PRM3: variants seen among roughly 807,000 people sequenced by gnomAD.
PRM3 encodes the protein protamine 3.
For synonymous variants in PRM3, 72 were observed against 58.2 expected, an observed-to-expected ratio of 1.24 and a Z score of -1.08; for missense variants, 160 against 133.1, an observed-to-expected ratio of 1.20 and a Z score of -0.99.
rs1567462466 is a variant in PRM3, at chr16:11,273,498, T to A, written c.98A>T (p.Lys33Ile). The change falls in exon 1 of 1, where the codon AAA becomes ATA. Residue 33 changes from lysine (K) to isoleucine (I), a missense_variant. Lys to Ile is a moderately radical substitution (Grantham distance 102). Coordinates refer to ENST00000327157, the MANE Select transcript of PRM3 (RefSeq NM_021247.3). ...GHGRGHESSM[K>I]KLMACVSQDN... is the part of the protein sequence containing the mutation. ...CTGACTCACACAGGCCATGAGCTTTTTCATGGAGGATTCGTGGCCCCGGCC... is the reference window on the plus strand; with the variant it reads ...CTGACTCACACAGGCCATGAGCTTTATCATGGAGGATTCGTGGCCCCGGCC... The A allele has an allele frequency of 6.2e-7, 1 of 1,608,168 alleles. No individual in the cohort carries two copies. The highest frequency in any genetic ancestry group is 8.5e-7 in the Non-Finnish European group (1 of 1,176,978).
At position 11,273,548 on chromosome 16, in the gene PRM3, G is replaced by GTGGCCTGGGCTC. The variant is rs757067812; in HGVS notation, c.36_47dup (p.Gln12_Gly15dup). 10 of 1,610,590 alleles carry GTGGCCTGGGCTC rather than the reference G, an allele frequency of 6.2e-6. No homozygotes were observed. Among genetic ancestry groups the GTGGCCTGGGCTC allele is most frequent in the Admixed American group, 1.7e-5 (1 of 59,988 alleles). On this transcript the variant is annotated inframe_insertion, in exon 1 of 1. Transcript: ENST00000327157. ...CATGGCCCGTGCTGTGGCCTGGGCT[G>GTGGCCTGGGCTC]TGGCCTGGGCTCTGGCCTGTGTTGA...
rs1567462572 is a variant in PRM3 at position 11,273,581 on chromosome 16, A to G, written c.15T>C (p.Cys5=). ...GGCTCTGGCCTGTGTTGAGCTTGGC[A>G]CAGCGGGAACCCATGGTCTACGTTG... The part of the protein sequence containing the change: MGSR[C]AKLNTGQSPG... The change falls in exon 1 of 1, where the codon TGT becomes TGC. Residue 5 remains cysteine, a synonymous_variant. Coordinates refer to ENST00000327157, the MANE Select transcript of PRM3 (RefSeq NM_021247.3). 2 of 1,594,880 alleles carry G rather than the reference A, an allele frequency of 1.3e-6. No homozygotes were observed. The highest frequency in any genetic ancestry group is 8.6e-7 in the Non-Finnish European group (1 of 1,168,268).
Position 11,273,596 on chromosome 16 carries a change from G to C in PRM3, c.-1C>G. On this transcript the variant is annotated 5_prime_UTR_variant, in exon 1 of 1. Transcript: ENST00000327157. ...TGAGCTTGGCACAGCGGGAACCCATGGTCTACGTTGCCTGTCTCTCTGGGC... is the reference window on the plus strand; with the variant it reads ...TGAGCTTGGCACAGCGGGAACCCATCGTCTACGTTGCCTGTCTCTCTGGGC... 1.3e-6 allele frequency: 2 copies of C among 1,584,788 alleles called. No homozygotes were observed. Among genetic ancestry groups the C allele is most frequent in the Non-Finnish European group, 1.7e-6 (2 of 1,162,748 alleles).
rs1281156609 is a variant in PRM3 at position 11,273,249 on chromosome 16, G to A, written c.*35C>T. The A allele has an allele frequency of 6.0e-6, 9 of 1,503,130 alleles. No homozygotes were observed. The highest frequency in any genetic ancestry group is 3.8e-5 in the South Asian group (3 of 78,022). The allele number at this position is 1,503,130 out of a possible 1,614,324, so 93.1% of individuals were successfully genotyped here. A position where few individuals can be genotyped will look rare whatever the true frequency, so the allele number is the denominator to read the frequency against. Reference sequence around the variant, plus strand: ...TTCTCTGAACACTGTCGCCGGAGCAGCAGTGGGCGTCCCTTCCTGGGCCTT... The same window carrying A: ...TTCTCTGAACACTGTCGCCGGAGCAACAGTGGGCGTCCCTTCCTGGGCCTT... On this transcript the variant is annotated 3_prime_UTR_variant, in exon 1 of 1. Coordinates refer to ENST00000327157, the MANE Select transcript of PRM3 (RefSeq NM_021247.3).
At position 11,273,409 on chromosome 16, in the gene PRM3, C is replaced by G. The variant is rs1438888157; in HGVS notation, c.187G>C (p.Glu63Gln). The change falls in exon 1 of 1, where the codon GAG becomes CAG. Residue 63 changes from glutamate (E) to glutamine (Q), a missense_variant. Transcript: ENST00000327157. ...TGCACCGGCAGCTCTTCTTTCTCCT[C>G]CTCTTCCCCCTCCTCCTCCTCTTCC... Reference protein sequence around the residue: ...EEEEEEEGEEEEKEELPVQGK... With the variant: ...EEEEEEEGEEQEKEELPVQGK... 1.9e-6 allele frequency: 3 copies of G among 1,549,668 alleles called. No individual in the cohort carries two copies. In the African/African-American group the frequency reaches 4.1e-5, roughly 21 times the overall value.
In PRM3 at chr16:11,273,254, G is replaced by A; in HGVS notation, c.*30C>T. On this transcript the variant is annotated 3_prime_UTR_variant, in exon 1 of 1. Transcript: ENST00000327157. ...TGAACACTGTCGCCGGAGCAGCAGT[G>A]GGCGTCCCTTCCTGGGCCTTCGTTG... The A allele has an allele frequency of 6.6e-7, 1 of 1,508,658 alleles. No homozygotes were observed. The highest frequency in any genetic ancestry group is 8.9e-7 in the Non-Finnish European group (1 of 1,127,252). 93.5% of individuals were successfully genotyped at this position (1,508,658 alleles called of 1,614,324 possible).
At position 11,273,237 on chromosome 16, in the gene PRM3, G is replaced by T; in HGVS notation, c.*47C>A. ...TTTTATTGACTCTTCTCTGAACACTGTCGCCGGAGCAGCAGTGGGCGTCCC... is the reference window on the plus strand; with the variant it reads ...TTTTATTGACTCTTCTCTGAACACTTTCGCCGGAGCAGCAGTGGGCGTCCC... On this transcript the variant is annotated 3_prime_UTR_variant, in exon 1 of 1. Transcript: ENST00000327157. 1 of 1,486,256 alleles carries T rather than the reference G, an allele frequency of 6.7e-7. No individual in the cohort carries two copies. Among genetic ancestry groups the T allele is most frequent in the South Asian group, 1.3e-5 (1 of 74,900 alleles). 92.1% of individuals were successfully genotyped at this position (1,486,256 alleles called of 1,614,324 possible).
At position 11,273,390 on chromosome 16, in the gene PRM3, G is replaced by A. The variant is rs201908654; in HGVS notation, c.206C>T (p.Pro69Leu). Residue 69 changes from proline (P) to leucine (L), a missense_variant, in exon 1 of 1, where the codon CCG becomes CTG. Transcript: ENST00000327157. ...CAGCAGCAGCAGCTTGCCCTGCACC[G>A]GCAGCTCTTCTTTCTCCTCCTCTTC... Reference protein sequence around the residue: ...EGEEEEKEELPVQGKLLLLEP... With the variant: ...EGEEEEKEELLVQGKLLLLEP... 4.9e-5 allele frequency: 76 copies of A among 1,546,836 alleles called. No individual in the cohort carries two copies. Among genetic ancestry groups the A allele is most frequent in the Admixed American group, 4.1e-4 (21 of 51,030 alleles).
rs2069806912 is a variant in PRM3, at chr16:11,273,370, G to A, written c.226C>T (p.Leu76=). 3 of 1,545,348 alleles carry A rather than the reference G, an allele frequency of 1.9e-6. No homozygotes were observed. The highest frequency in any genetic ancestry group is 1.7e-6 in the Non-Finnish European group (2 of 1,147,014). Residue 76 remains leucine, a synonymous_variant, in exon 1 of 1, where the codon CTG becomes TTG. Transcript: ENST00000327157. The part of the protein sequence containing the change: ...EELPVQGKLL[L]LEPERQEEGH... ...TCCTCCTGCCGCTCAGGCTCCAGCA[G>A]CAGCAGCTTGCCCTGCACCGGCAGC...
Position 11,273,364 on chromosome 16 carries a change from C to CCAG in PRM3, c.229_231dup (p.Leu77dup). 2 of 1,544,882 alleles carry CCAG rather than the reference C, an allele frequency of 1.3e-6. No individual in the cohort carries two copies. The highest frequency in any genetic ancestry group is 8.7e-7 in the Non-Finnish European group (1 of 1,146,860). On this transcript the variant is annotated inframe_insertion, in exon 1 of 1. Coordinates refer to ENST00000327157, the MANE Select transcript of PRM3 (RefSeq NM_021247.3). ...TGGCCCTCCTCCTGCCGCTCAGGCT[C>CCAG]CAGCAGCAGCAGCTTGCCCTGCACC...
Position 11,273,524 on chromosome 16 carries a change from A to G in PRM3, c.72T>C (p.His24=). 6.2e-7 allele frequency: 1 copy of G among 1,609,760 alleles called. No individual in the cohort carries two copies. The highest frequency in any genetic ancestry group is 8.5e-7 in the Non-Finnish European group (1 of 1,177,560). The part of the protein sequence containing the change: ...PGHSPGHSTG[H]GRGHESSMKK... ...TCATGGAGGATTCGTGGCCCCGGCCATGGCCCGTGCTGTGGCCTGGGCTGT... is the reference window on the plus strand; with the variant it reads ...TCATGGAGGATTCGTGGCCCCGGCCGTGGCCCGTGCTGTGGCCTGGGCTGT... The change falls in exon 1 of 1, where the codon CAT becomes CAC. Residue 24 remains histidine (H), a synonymous_variant. Coordinates refer to ENST00000327157, the MANE Select transcript of PRM3 (RefSeq NM_021247.3).
In PRM3 at chr16:11,273,541, C is replaced by T. The variant is rs1348347928; in HGVS notation, c.55G>A (p.Gly19Ser). Residue 19 changes from glycine to serine, a missense_variant, in exon 1 of 1, where the codon GGC (glycine) becomes AGC (serine). Coordinates refer to ENST00000327157, the MANE Select transcript of PRM3 (RefSeq NM_021247.3). ...CCCCGGCCATGGCCCGTGCTGTGGC[C>T]TGGGCTGTGGCCTGGGCTCTGGCCT... ...NTGQSPGHSP[G>S]HSTGHGRGHE... 6.2e-7 allele frequency: 1 copy of T among 1,607,690 alleles called. No individual in the cohort carries two copies. Among genetic ancestry groups the T allele is most frequent in the South Asian group, 1.1e-5 (1 of 91,034 alleles).
rs1330213959 is a variant in PRM3, at chr16:11,273,287, G to T, written c.309C>A (p.Ser103=). The change falls in exon 1 of 1, where the codon TCC becomes TCA. Residue 103 remains serine (S), a synonymous_variant. Coordinates refer to ENST00000327157, the MANE Select transcript of PRM3 (RefSeq NM_021247.3). ...CTTCCTGGGCCTTCGTTGCGGGTCAGGAGGGTGTCCGCTTGGGCTCGGGGC... is the reference window on the plus strand; with the variant it reads ...CTTCCTGGGCCTTCGTTGCGGGTCATGAGGGTGTCCGCTTGGGCTCGGGGC... The part of the protein sequence containing the change: ...QQSPEPKRTP[S] The T allele has an allele frequency of 6.5e-7, 1 of 1,540,010 alleles. No homozygotes were observed. Among genetic ancestry groups the T allele is most frequent in the Non-Finnish European group, 8.8e-7 (1 of 1,142,732 alleles).
rs1352244557 is a variant in PRM3, at chr16:11,273,251, A to G, written c.*33T>C. 3.3e-6 allele frequency: 5 copies of G among 1,504,726 alleles called. No homozygotes were observed. Among genetic ancestry groups the G allele is most frequent in the Non-Finnish European group, 4.4e-6 (5 of 1,125,704 alleles). The allele number at this position is 1,504,726 out of a possible 1,614,324, so 93.2% of individuals were successfully genotyped here. On this transcript the variant is annotated 3_prime_UTR_variant, in exon 1 of 1. Coordinates refer to ENST00000327157, the MANE Select transcript of PRM3 (RefSeq NM_021247.3). ...CTCTGAACACTGTCGCCGGAGCAGCAGTGGGCGTCCCTTCCTGGGCCTTCG... is the reference window on the plus strand; with the variant it reads ...CTCTGAACACTGTCGCCGGAGCAGCGGTGGGCGTCCCTTCCTGGGCCTTCG...
At position 11,273,318 on chromosome 16, in the gene PRM3, T is replaced by C; in HGVS notation, c.278A>G (p.Gln93Arg). 6.5e-7 allele frequency: 1 copy of C among 1,545,172 alleles called. No homozygotes were observed. The highest frequency in any genetic ancestry group is 8.7e-7 in the Non-Finnish European group (1 of 1,146,552). Residue 93 changes from glutamine (Q) to arginine (R), a missense_variant, in exon 1 of 1, where the codon CAG becomes CGG. Gln to Arg is a conservative substitution (Grantham distance 43). Transcript: ENST00000327157. ...EEGHKDNAEA[Q>R]QSPEPKRTPS ...TGTCCGCTTGGGCTCGGGGCTCTGC[T>C]GGGCCTCGGCGTTGTCCTTGTGGCC...
chr16:11,273,499 T>G lies in PRM3; in HGVS notation c.97A>C (p.Lys33Gln), dbSNP rs2069810493. The part of the protein sequence containing the change: ...GHGRGHESSM[K>Q]KLMACVSQDN... ...TGACTCACACAGGCCATGAGCTTTT[T>G]CATGGAGGATTCGTGGCCCCGGCCA... The change falls in exon 1 of 1, where the codon AAA becomes CAA. Residue 33 changes from lysine (K) to glutamine (Q), a missense_variant. Transcript: ENST00000327157. 1 of 1,609,070 alleles carries G rather than the reference T, an allele frequency of 6.2e-7. No individual in the cohort carries two copies. Among genetic ancestry groups the G allele is most frequent in the African/African-American group, 1.3e-5 (1 of 75,018 alleles).
chr16:11,273,477 C>G lies in PRM3; in HGVS notation c.119G>C (p.Ser40Thr), dbSNP rs1326926205. Residue 40 changes from serine to threonine, a missense_variant, in exon 1 of 1, where the codon AGT becomes ACT. Physicochemically the swap from Ser to Thr is moderately conservative, Grantham distance 58 (BLOSUM62 1). Coordinates refer to ENST00000327157, the MANE Select transcript of PRM3 (RefSeq NM_021247.3). The part of the protein sequence containing the change: ...SSMKKLMACV[S>T]QDNFSLSSAG... ...TGATGACAAGGAGAAGTTATCCTGACTCACACAGGCCATGAGCTTTTTCAT... is the reference window on the plus strand; with the variant it reads ...TGATGACAAGGAGAAGTTATCCTGAGTCACACAGGCCATGAGCTTTTTCAT... 1 of 1,594,910 alleles carries G rather than the reference C, an allele frequency of 6.3e-7. No individual in the cohort carries two copies. Among genetic ancestry groups the G allele is most frequent in the Admixed American group, 1.8e-5 (1 of 56,480 alleles).
In PRM3 at chr16:11,273,473, C is replaced by T. The variant is rs1198693091; in HGVS notation, c.123G>A (p.Gln41=). 2 of 1,591,292 alleles carry T rather than the reference C, an allele frequency of 1.3e-6. No individual in the cohort carries two copies. The highest frequency in any genetic ancestry group is 2.3e-5 in the South Asian group (2 of 88,170). ...SMKKLMACVS[Q]DNFSLSSAGE... ...CCGCTGATGACAAGGAGAAGTTATC[C>T]TGACTCACACAGGCCATGAGCTTTT... The change falls in exon 1 of 1, where the codon CAG becomes CAA. Residue 41 remains glutamine, a synonymous_variant. Transcript: ENST00000327157.
rs376082577 is a variant in PRM3 at position 11,273,329 on chromosome 16, G to A, written c.267C>T (p.Asn89=). 63 of 1,545,280 alleles carry A rather than the reference G, an allele frequency of 4.1e-5. No homozygotes were observed. Among genetic ancestry groups the A allele is most frequent in the Middle Eastern group, 1.7e-4 (1 of 5,980 alleles). ...GCTCGGGGCTCTGCTGGGCCTCGGC[G>A]TTGTCCTTGTGGCCCTCCTCCTGCC... The part of the protein sequence containing the change: ...PERQEEGHKD[N]AEAQQSPEPK... The change falls in exon 1 of 1, where the codon AAC becomes AAT. Residue 89 remains asparagine, a synonymous_variant. Transcript: ENST00000327157.
Sources: gnomAD v4.1 joint callset for allele counts on GRCh38, gnomAD v4.1.1 for gene constraint, MANE v1.5 for transcripts, NCBI Gene and HGNC (gene_info 2026-07-23, HGNC 2026-07-21) for gene names.